C4orf51: variants seen among roughly 807,000 people sequenced by gnomAD.
C4orf51 encodes the protein chromosome 4 open reading frame 51.
C4orf51 carries 25 observed loss-of-function variants against 25.2 expected under a neutral mutation model. That is an observed-to-expected ratio of 0.99 (90% CI 0.72 to 1.39). C4orf51 has a LOEUF of 1.39. Among genes scored for constraint, C4orf51 ranks in the 40% most tolerant of loss-of-function variants. The pLI is 0.00. For synonymous variants in C4orf51, 100 were observed against 84.5 expected, an observed-to-expected ratio of 1.18 and a Z score of -1.01; for missense variants, 252 against 239.6, an observed-to-expected ratio of 1.05 and a Z score of -0.34.
rs1439738855 is a variant in C4orf51 at position 145,729,025 on chromosome 4, C to G, written c.367-144C>G. The G allele has an allele frequency of 4.7e-6, 3 of 635,282 alleles. No homozygotes were observed. In the East Asian group the frequency reaches 8.6e-5, roughly 18 times the overall value. 39.4% of individuals were successfully genotyped at this position (635,282 alleles called of 1,614,324 possible). ...CTCCCAAGTGGCTGAGACTACACTG[C>G]ACTCACAGTGGTGGCTTTTGACAGC... is the stretch of plus-strand genomic sequence containing the variant. On this transcript the variant is annotated intron_variant, in intron 3 of 5. Transcript: ENST00000438731.
In C4orf51 at chr4:145,732,612, A is replaced by C; in HGVS notation, c.*52A>C. 7.6e-7 allele frequency: 1 copy of C among 1,308,914 alleles called. No individual in the cohort carries two copies. The highest frequency in any genetic ancestry group is 1.1e-6 in the Non-Finnish European group (1 of 926,506). 81.1% of individuals were successfully genotyped at this position (1,308,914 alleles called of 1,614,324 possible). A position where few individuals can be genotyped will look rare whatever the true frequency, so the allele number is the denominator to read the frequency against. The stretch of plus-strand genomic sequence containing the variant: ...AGGCGTGGAGTTTGCTTAATAAACA[A>C]CTTTGAGGTATGGGGCCCTCCCAAC... On this transcript the variant is annotated 3_prime_UTR_variant, in exon 6 of 6. Transcript: ENST00000438731.
At chr4:145,729,509 G>C (rs539673862) in intron 4 of C4orf51, among the ~76,000 whole-genome samples, 5 of 152,124 alleles carry the variant, frequency 3.3e-5, no homozygotes, top group South Asian at 4.2e-4. Context: ...CACCGTGTTA[G>C]CCAGGATGGT....
At chr4:145,728,140 A>G (rs556258950) in intron 3 of C4orf51, among the ~76,000 whole-genome samples, 47 of 150,246 alleles carry the variant, frequency 3.1e-4, no homozygotes, top group Admixed American at 8.8e-4. Flanking sequence ...CAATTTGAAT[A>G]TACGTTTTTG....
intron 2 of C4orf51, among the ~76,000 whole-genome samples, chr4:145,700,192 G>GTGCCCCAATCCCTTATTTCCA (rs1730341422): frequency 8.4e-6 from 1 of 119,066 alleles, no homozygotes; most frequent in Admixed American, 9.0e-5. Context: ...CCTTATTTCT[G>GTGCCCCAATCCCTTATTTCCA]CACCCCAACC....
chr4:145,690,551 A>T (rs60280020), intron 1 of C4orf51, among the ~76,000 whole-genome samples: 1,653 of 152,050 alleles, frequency 0.011, 35 homozygotes, highest in African/African-American at 0.038. Context: ...CCTAGGTAAC[A>T]CTCTTCTGGA....
Position 145,761,511 on chromosome 4 carries a change from C to T in C4orf51, n.167-9477C>T, listed in dbSNP as rs1317116839. The stretch of plus-strand genomic sequence containing the variant: ...GGTTGGCCTTCACCGTCTGGCAGAT[C>T]CGGCACTTGTACTCCATCTTGTAGT... On this transcript the variant is annotated intron_variant and non_coding_transcript_variant, in intron 1 of 1. Transcript: ENST00000510096. The surrounding 1 kb of genome is among the most constrained non-coding windows in gnomAD (Gnocchi z 6.8). 3.1e-6 allele frequency: 4 copies of T among 1,289,666 alleles called. No homozygotes were observed. The highest frequency in any genetic ancestry group is 4.0e-6 in the Non-Finnish European group (4 of 988,850). The allele number at this position is 1,289,666 out of a possible 1,614,324, so 79.9% of individuals were successfully genotyped here.
chr4:145,769,124 G>A (rs373185546), intron 1 of C4orf51, among the ~76,000 whole-genome samples: 242 of 151,530 alleles, frequency 1.6e-3, no homozygotes, highest in African/African-American at 5.5e-3. Context: ...TGCACTTAGG[G>A]TCCAGGGCAG....
chr4:145,763,001 C>T lies in C4orf51; in HGVS notation n.167-7987C>T. On this transcript the variant is annotated intron_variant and non_coding_transcript_variant, in intron 1 of 1. Coordinates refer to the C4orf51 transcript ENST00000510096. The surrounding 1 kb of genome is among the most constrained non-coding windows in gnomAD (Gnocchi z 4.6). ...AAGCTCGCCGTTAGCCTTTGAACCT[C>T]AGCTCACAGAAGAGTGCACACGAGA... The T allele has an allele frequency of 2.3e-6, 3 of 1,297,864 alleles. No homozygotes were observed. In the South Asian group the frequency reaches 4.1e-5, roughly 18 times the overall value. 80.4% of individuals were successfully genotyped at this position (1,297,864 alleles called of 1,614,324 possible).
At chr4:145,734,151 G>T (rs1013680766), downstream of C4orf51, among the ~76,000 whole-genome samples, 2 of 152,138 alleles carry the variant, frequency 1.3e-5, no homozygotes, top group African/African-American at 4.8e-5. Flanking sequence ...ACACCTTCTC[G>T]CCTGTCTGTC....
chr4:145,789,623 A>G, the C4orf51 span, among the ~76,000 whole-genome samples: 1 of 152,222 alleles, frequency 6.6e-6, no homozygotes, highest in Non-Finnish European at 1.5e-5. Flanking sequence ...CTAGCTGGTA[A>G]GTGATAGCCT....
Position 145,732,668 on chromosome 4 carries a change from G to A in C4orf51, c.*108G>A, listed in dbSNP as rs879732569. The A allele has an allele frequency of 4.6e-4, 289 of 623,304 alleles. No individual in the cohort carries two copies. The highest frequency in any genetic ancestry group is 8.8e-4 in the Middle Eastern group (2 of 2,262). The allele number at this position is 623,304 out of a possible 1,614,324, so 38.6% of individuals were successfully genotyped here. ...CCCCCCACCCGCCCCGCCCAGGAAC[G>A]TCTGGACCCTGGCAGGTTGGCTTTC... On this transcript the variant is annotated 3_prime_UTR_variant, in exon 6 of 6. Transcript: ENST00000438731.
chr4:145,769,068 A>T (rs904750100), intron 1 of C4orf51, among the ~76,000 whole-genome samples: 1 of 151,352 alleles, frequency 6.6e-6, no homozygotes, highest in African/African-American at 2.4e-5. Context: ...AAAGGAAGAA[A>T]TATGTACCCA....
At chr4:145,735,428 T>C (rs1189598763), downstream of C4orf51, among the ~76,000 whole-genome samples, 1 of 152,206 alleles carries the variant, frequency 6.6e-6, no homozygotes, top group Non-Finnish European at 1.5e-5. Flanking sequence ...TTTCTGTTAC[T>C]AAGAGACAGA....
At chr4:145,689,364 A>G (rs1339309949) in intron 1 of C4orf51, among the ~76,000 whole-genome samples, 1 of 152,200 alleles carries the variant, frequency 6.6e-6, no homozygotes, top group East Asian at 1.9e-4. Flanking sequence ...ATATATTTTC[A>G]ACTTAGTGAC....
downstream of C4orf51, among the ~76,000 whole-genome samples, chr4:145,733,718 C>CGGGAGCCATCTGGTCTGA (rs1250255351): frequency 6.6e-6 from 1 of 152,174 alleles, no homozygotes; most frequent in Admixed American, 6.5e-5. Context: ...ATACATTCCC[C>CGGGAGCCATCTGGTCTGA]GGGAGCCATC....
Position 145,763,802 on chromosome 4 carries a change from T to C in C4orf51, n.167-7186T>C, listed in dbSNP as rs1489750913. On this transcript the variant is annotated intron_variant and non_coding_transcript_variant, in intron 1 of 1. Transcript: ENST00000510096. The surrounding 1 kb of genome is among the most constrained non-coding windows in gnomAD (Gnocchi z 4.6). The stretch of plus-strand genomic sequence containing the variant: ...ATAAGCTCTTCCTAGGCATTTCCCA[T>C]CTACTGGTTTCCTTGAATTATAATC... Among the ~76,000 whole-genome samples, 1 of 152,238 alleles carries C rather than the reference T, an allele frequency of 6.6e-6. No individual in the cohort carries two copies. The highest frequency in any genetic ancestry group is 1.5e-5 in the Non-Finnish European group (1 of 68,040).
intron 2 of C4orf51, among the ~76,000 whole-genome samples, chr4:145,701,206 C>CTTAA (rs138865591): frequency 0.62 from 94,066 of 151,056 alleles, 30,561 homozygotes; most frequent in African/African-American, 0.82. Flanking sequence ...CGCAACAGGA[C>CTTAA]TTAACCTCAC....
At position 145,729,522 on chromosome 4, in the gene C4orf51, C is replaced by T. The variant is rs150467786; in HGVS notation, c.427+293C>T. Reference sequence around the variant, plus strand: ...TTCACCGTGTTAGCCAGGATGGTCTCGATCTTCCGACCTTGTGATCCTCCC... The same window carrying T: ...TTCACCGTGTTAGCCAGGATGGTCTTGATCTTCCGACCTTGTGATCCTCCC... On this transcript the variant is annotated intron_variant, in intron 4 of 5. Transcript: ENST00000438731. 3.6e-3 allele frequency among the ~76,000 whole-genome samples: 555 copies of T among 152,120 alleles called. 2 individuals carry two copies. The highest frequency in any genetic ancestry group is 0.013 in the African/African-American group (523 of 41,500).
At chr4:145,787,315 T>C in the C4orf51 span, among the ~76,000 whole-genome samples, 1 of 151,794 alleles carries the variant, frequency 6.6e-6, no homozygotes, top group African/African-American at 2.4e-5. Flanking sequence ...ATACACAAAT[T>C]AGCTGAGCGT....
Sources: allele counts gnomAD v4.1 joint callset (sites outside exome capture counted in the v4.1 genomes callset), GRCh38; gene constraint gnomAD v4.1.1; non-coding constraint Gnocchi (gnomAD v3.1); transcripts MANE v1.5; gene names NCBI Gene and HGNC (gene_info 2026-07-23, HGNC 2026-07-21).